The following WDPCP variants were observed in gnomAD, a reference collection of about 807,000 sequenced individuals.
The protein encoded by WDPCP is WD repeat-containing and planar cell polarity effector protein fritz homolog.
In WDPCP, 71 loss-of-function variants were observed where a neutral mutation model predicts 93.1. That is an observed-to-expected ratio of 0.76 (90% CI 0.63 to 0.93). WDPCP has a LOEUF of 0.93. WDPCP is among the 40% of genes least tolerant of loss of function. The probability of loss-of-function intolerance (pLI) is 0.00; values close to 1 mark genes in which losing one functional copy is unlikely to be tolerated. For synonymous variants in WDPCP, 315 were observed against 315.0 expected, an observed-to-expected ratio of 1.00 and a Z score of 0.00; for missense variants, 844 against 887.4, an observed-to-expected ratio of 0.95 and a Z score of 0.62.
At chr2:63,652,506 T>C (rs1710120201) in intron 2 of WDPCP, among the ~76,000 whole-genome samples, 1 of 152,212 alleles carries the variant, frequency 6.6e-6, no homozygotes, top group African/African-American at 2.4e-5. Flanking sequence ...AGTAGGCAAC[T>C]GTGTGGAAGG....
chr2:63,794,006 T>C (rs1473389848), intron 2 of WDPCP, among the ~76,000 whole-genome samples: 1 of 152,080 alleles, frequency 6.6e-6, no homozygotes, highest in Non-Finnish European at 1.5e-5. Flanking sequence ...TAAAGACAAC[T>C]ATTGAATCAT....
At chr2:63,558,723 C>G (rs1239603588) in intron 1 of WDPCP, among the ~76,000 whole-genome samples, 1 of 152,130 alleles carries the variant, frequency 6.6e-6, no homozygotes, top group Non-Finnish European at 1.5e-5. Flanking sequence ...CCTCCCAAGA[C>G]TGAACCAGGA....
intron 1 of WDPCP, among the ~76,000 whole-genome samples, chr2:63,527,048 A>T (rs1703391928): frequency 6.6e-6 from 1 of 152,210 alleles, no homozygotes; most frequent in Non-Finnish European, 1.5e-5. Context: ...ATTTTTAAGA[A>T]TATGAGTGAA....
At chr2:63,408,373 T>C (rs995067666) in intron 9 of WDPCP, among the ~76,000 whole-genome samples, 6 of 151,724 alleles carry the variant, frequency 4.0e-5, no homozygotes, top group African/African-American at 1.5e-4. Context: ...TGGAAGTGAG[T>C]CAATTTAGAG....
At chr2:63,366,452 C>G (rs566300963) in intron 12 of WDPCP, among the ~76,000 whole-genome samples, 1 of 152,106 alleles carries the variant, frequency 6.6e-6, no homozygotes, top group Non-Finnish European at 1.5e-5. Flanking sequence ...ATCATTTAGT[C>G]TACCTTTATC....
intron 3 of WDPCP, among the ~76,000 whole-genome samples, chr2:63,607,467 C>T (rs1054671716): frequency 4.0e-5 from 6 of 150,940 alleles, no homozygotes; most frequent in Admixed American, 1.3e-4. Flanking sequence ...TCCCGGGGGG[C>T]GGAAGTTGCA....
chr2:63,247,624 G>T (rs780069604), intron 14 of WDPCP, among the ~76,000 whole-genome samples: 4 of 150,562 alleles, frequency 2.7e-5, no homozygotes, highest in Non-Finnish European at 4.4e-5. Context: ...TTTAGACCTG[G>T]GTACCATCCT....
intron 17 of WDPCP, among the ~76,000 whole-genome samples, chr2:63,147,000 T>C (rs1266187683): frequency 6.6e-6 from 1 of 152,218 alleles, no homozygotes; most frequent in Non-Finnish European, 1.5e-5. Context: ...TAAGCCTGCA[T>C]AGGTCTAGTT....
intron 3 of WDPCP, among the ~76,000 whole-genome samples, chr2:63,619,084 G>A (rs553092313): frequency 6.6e-6 from 1 of 152,314 alleles, no homozygotes; most frequent in African/African-American, 2.4e-5. Flanking sequence ...AAATTAAACA[G>A]AACCACTATC....
intron 14 of WDPCP, among the ~76,000 whole-genome samples, chr2:63,179,205 G>A (rs375286247): frequency 4.3e-4 from 59 of 138,098 alleles, no homozygotes; most frequent in East Asian, 6.5e-4. Context: ...GTCTCGGGGG[G>A]AAAAAAAAAA....
At chr2:63,151,557 T>A (rs1228467109) in intron 17 of WDPCP, among the ~76,000 whole-genome samples, 1 of 152,172 alleles carries the variant, frequency 6.6e-6, no homozygotes, top group African/African-American at 2.4e-5. Flanking sequence ...AAACAAGTAT[T>A]CTAAAAAAAT....
intron 14 of WDPCP, among the ~76,000 whole-genome samples, chr2:63,213,569 G>C (rs1260781733): frequency 1.3e-5 from 2 of 151,986 alleles, no homozygotes; most frequent in Non-Finnish European, 2.9e-5. Context: ...ACGAACTAGA[G>C]AAGCAAGAGC....
intron 3 of WDPCP, among the ~76,000 whole-genome samples, chr2:63,641,029 A>G (rs1366212156): frequency 6.6e-6 from 1 of 152,024 alleles, no homozygotes; most frequent in East Asian, 1.9e-4. Context: ...AATTCAGTTG[A>G]TTTGATTTTT....
intron 9 of WDPCP, among the ~76,000 whole-genome samples, chr2:63,426,735 G>T (rs1266951094): frequency 6.6e-6 from 1 of 152,130 alleles, no homozygotes; most frequent in Non-Finnish European, 1.5e-5. Flanking sequence ...AATGTAAATG[G>T]TCCTGACATC....
At chr2:63,171,512 TA>T (rs1574791518) in intron 15 of WDPCP, among the ~76,000 whole-genome samples, 2 of 152,216 alleles carry the variant, frequency 1.3e-5, no homozygotes, top group Admixed American at 1.3e-4. Context: ...ATAGTTATAA[TA>T]AAAAAACATT....
intron 1 of WDPCP, among the ~76,000 whole-genome samples, chr2:63,554,339 C>G (rs1167600017): frequency 1.3e-5 from 2 of 152,210 alleles, no homozygotes; most frequent in Non-Finnish European, 2.9e-5. Flanking sequence ...ACAATGTCAA[C>G]TTGTCCCATT....
chr2:63,817,105 C>T (rs1201325266), intron 1 of WDPCP, among the ~76,000 whole-genome samples: 3 of 147,512 alleles, frequency 2.0e-5, no homozygotes, highest in Non-Finnish European at 4.5e-5. Flanking sequence ...CACTCAAGAG[C>T]TGCTACATTT....
At chr2:63,608,728 T>C (rs1709582042) in intron 3 of WDPCP, among the ~76,000 whole-genome samples, 2 of 152,054 alleles carry the variant, frequency 1.3e-5, no homozygotes, top group South Asian at 4.1e-4. Flanking sequence ...GAGGATCACC[T>C]AGGCAAAGGA....
At chr2:63,237,868 T>A (rs1249128375) in intron 14 of WDPCP, among the ~76,000 whole-genome samples, 1 of 152,002 alleles carries the variant, frequency 6.6e-6, no homozygotes, top group Non-Finnish European at 1.5e-5. Context: ...GAAAAACTTG[T>A]TAGGTACTAT....
Sources: gnomAD v4.1 joint callset for allele counts (sites outside exome capture counted in the v4.1 genomes callset) on GRCh38, gnomAD v4.1.1 for gene constraint, MANE v1.5 for transcripts, NCBI Gene and HGNC (gene_info 2026-07-23, HGNC 2026-07-21) for gene names.